Variants in ANK3 observed in about 807,000 individuals in gnomAD.
The protein encoded by ANK3 is ankyrin 3.
ANK3 carries 57 observed loss-of-function variants against 370.9 expected under a neutral mutation model. The observed-to-expected ratio is 0.15, with a 90% CI of 0.12 to 0.19. ANK3 has a LOEUF of 0.19. ANK3 is among the 10% of genes least tolerant of loss of function. ANK3 has a pLI of 1.00. For synonymous variants in ANK3, 1,929 were observed against 1,946.3 expected (o/e 0.99, Z 0.23); for missense variants, 4,439 against 5,302.1 (o/e 0.84, Z 5.06).
intron 2 of ANK3, among the ~76,000 whole-genome samples, chr10:60,538,885 G>A (rs925909589): frequency 4.6e-5 from 7 of 151,826 alleles, no homozygotes; most frequent in Non-Finnish European, 1.0e-4. Flanking sequence ...TGAAACAATG[G>A]CTTCTAATGA....
chr10:60,617,882 T>C (rs982883038), intron 1 of ANK3, among the ~76,000 whole-genome samples: 4 of 152,188 alleles, frequency 2.6e-5, no homozygotes, highest in Non-Finnish European at 5.9e-5. Flanking sequence ...TAGGCCAGAA[T>C]TTCCAAAACA....
At chr10:60,195,403 A>G (rs2096570803) in intron 16 of ANK3, among the ~76,000 whole-genome samples, 2 of 152,080 alleles carry the variant, frequency 1.3e-5, no homozygotes, top group East Asian at 3.9e-4. Flanking sequence ...AAAAAAAAAA[A>G]AAAGGAGAAG....
Position 60,052,889 on chromosome 10 carries a change from T to TATGAAATGTTAGTTGTATAGATA in ANK3, c.13065+2746_13065+2768dup, listed in dbSNP as rs769570352. Among the ~76,000 whole-genome samples the TATGAAATGTTAGTTGTATAGATA allele has an allele frequency of 1.2e-3, 176 of 152,324 alleles. 1 individual carries two copies. The highest frequency in any genetic ancestry group is 6.0e-4 in the Non-Finnish European group (41 of 68,010). On this transcript the variant is annotated intron_variant, in intron 42 of 43. Coordinates refer to ENST00000280772, the MANE Select transcript of ANK3 (RefSeq NM_020987.5). ...GGTACAGGTGTTAGATAAAATGCTTTATGAAATGTTAGTTGTATAGATAAT... is the reference window on the plus strand; with the variant it reads ...GGTACAGGTGTTAGATAAAATGCTTTATGAAATGTTAGTTGTATAGATAATGAAATGTTAGTTGTATAGATAAT...
chr10:60,250,404 G>T (rs558698320), intron 7 of ANK3, among the ~76,000 whole-genome samples: 1 of 151,900 alleles, frequency 6.6e-6, no homozygotes, highest in Admixed American at 6.6e-5. Flanking sequence ...TCGCTCTGTC[G>T]CCCAGGCTGG....
In ANK3 at chr10:60,226,218, C is replaced by G. The variant is rs563651070; in HGVS notation, c.897+8470G>C. 5.0e-4 allele frequency among the ~76,000 whole-genome samples: 60 copies of G among 118,866 alleles called. 1 individual carries two copies. The highest frequency in any genetic ancestry group is 0.012 in the Middle Eastern group (1 of 86). 78.0% of individuals were successfully genotyped at this position (118,866 alleles called of 152,430 possible). On this transcript the variant is annotated intron_variant, in intron 8 of 43. Coordinates refer to ENST00000280772, the MANE Select transcript of ANK3 (RefSeq NM_020987.5). ...ACTATATTATATAGTATATGTAATA[C>G]TATATATACTATGTATATATACTAT...
upstream of ANK3, among the ~76,000 whole-genome samples, chr10:60,394,062 G>A (rs538041992): frequency 6.6e-6 from 1 of 151,142 alleles, no homozygotes; most frequent in South Asian, 2.1e-4. Context: ...ACCCACTTCA[G>A]TTTTCTCAGA....
chr10:60,100,635 C>G (rs1330255235), intron 28 of ANK3, among the ~76,000 whole-genome samples: 1 of 152,104 alleles, frequency 6.6e-6, no homozygotes, highest in East Asian at 1.9e-4. Flanking sequence ...TTCATTTGCT[C>G]TCATTTGAAA....
intron 2 of ANK3, among the ~76,000 whole-genome samples, chr10:60,476,719 C>A (rs1483403628): frequency 1.3e-5 from 2 of 152,146 alleles, no homozygotes; most frequent in African/African-American, 4.8e-5. Flanking sequence ...ATTGGATTTA[C>A]AGCCAAAACT....
At chr10:60,447,925 C>T (rs1462656325) in intron 2 of ANK3, among the ~76,000 whole-genome samples, 2 of 152,048 alleles carry the variant, frequency 1.3e-5, no homozygotes, top group Non-Finnish European at 2.9e-5. Flanking sequence ...GTTTTGTTCC[C>T]CTTAAAGGAA....
Position 60,069,105 on chromosome 10 carries a change from C to A in ANK3, c.11776G>T (p.Val3926Phe). Residue 3926 changes from valine to phenylalanine, a missense_variant, in exon 37 of 44, where the codon GTT becomes TTT. Coordinates refer to ENST00000280772, the MANE Select transcript of ANK3 (RefSeq NM_020987.5). ...TTTTGTGTGGCACATGCTTTTCTAA[C>A]TGCAATTATGTTATCCCTGTGTGTG... Reference protein sequence around the residue: ...KNTHRDNIIAVRKACATQKQG... With the variant: ...KNTHRDNIIAFRKACATQKQG... 6.2e-7 allele frequency: 1 copy of A among 1,614,122 alleles called. No individual in the cohort carries two copies. Among genetic ancestry groups the A allele is most frequent in the Non-Finnish European group, 8.5e-7 (1 of 1,180,008 alleles).
chr10:60,658,485 C>A lies in ANK3; in HGVS notation c.58-43261G>T, dbSNP rs565150186. Among the ~76,000 whole-genome samples, 6 of 152,132 alleles carry A rather than the reference C, an allele frequency of 3.9e-5. No individual in the cohort carries two copies. In the East Asian group the frequency reaches 1.2e-3, roughly 29 times the overall value. ...ATTTCTACTGACCTCCCCCCACACA[C>A]ATCCTTAGAACTATTATTGTCATTT... On this transcript the variant is annotated intron_variant, in intron 1 of 43. Coordinates refer to the ANK3 transcript ENST00000373827.
chr10:60,679,572 G>A (rs536706971), intron 1 of ANK3, among the ~76,000 whole-genome samples: 1 of 152,100 alleles, frequency 6.6e-6, no homozygotes, highest in East Asian at 1.9e-4. Context: ...TGCCTCAAAC[G>A]AGCATGTGCG....
At chr10:60,442,895 G>T (rs909105551) in intron 2 of ANK3, among the ~76,000 whole-genome samples, 13 of 152,182 alleles carry the variant, frequency 8.5e-5, no homozygotes, top group Non-Finnish European at 1.3e-4. Flanking sequence ...CATACTTATA[G>T]AGACAATTCA....
intron 4 of ANK3, among the ~76,000 whole-genome samples, chr10:60,271,581 A>T (rs1425312612): frequency 6.6e-6 from 1 of 152,138 alleles, no homozygotes; most frequent in African/African-American, 2.4e-5. Flanking sequence ...TACTGTATAC[A>T]TTACGCAATT....
intron 1 of ANK3, among the ~76,000 whole-genome samples, chr10:60,325,371 T>C (rs1212166011): frequency 2.0e-5 from 3 of 152,182 alleles, no homozygotes; most frequent in African/African-American, 7.2e-5. Flanking sequence ...GGCCAATGGG[T>C]GGTAGGTGGA....
chr10:60,522,929 T>C (rs1289604945), intron 2 of ANK3, among the ~76,000 whole-genome samples: 1 of 152,092 alleles, frequency 6.6e-6, no homozygotes, highest in Non-Finnish European at 1.5e-5. Flanking sequence ...AAACCTCTTC[T>C]ACAAGAAAGA....
intron 2 of ANK3, among the ~76,000 whole-genome samples, chr10:60,565,285 C>A (rs2077431505): frequency 6.6e-6 from 1 of 152,142 alleles, no homozygotes; most frequent in Admixed American, 6.5e-5. Context: ...AAGGAGTGCA[C>A]AACACAGATC....
chr10:60,383,023 C>T (rs1704050746), intron 1 of ANK3, among the ~76,000 whole-genome samples: 1 of 151,826 alleles, frequency 6.6e-6, no homozygotes. Flanking sequence ...TAAGAATTCA[C>T]CCTGGATGTC....
intron 1 of ANK3, among the ~76,000 whole-genome samples, chr10:60,732,045 A>G (rs2080029710): frequency 6.6e-6 from 1 of 152,206 alleles, no homozygotes; most frequent in Non-Finnish European, 1.5e-5. Context: ...CATGGGCAAG[A>G]TTTGTGTTTC....
Sources: gnomAD v4.1 joint callset for allele counts (sites outside exome capture counted in the v4.1 genomes callset) on GRCh38, gnomAD v4.1.1 for gene constraint, MANE v1.5 for transcripts, NCBI Gene and HGNC (gene_info 2026-07-23, HGNC 2026-07-21) for gene names.